Variants in KIF16B observed in about 807,000 individuals in gnomAD.
The protein encoded by KIF16B is kinesin family member 16B.
In KIF16B, 98 loss-of-function variants were observed where a neutral mutation model predicts 156.3. The observed-to-expected ratio is 0.63, with a 90% CI of 0.53 to 0.74. KIF16B has a LOEUF of 0.74. Among genes scored for constraint, KIF16B ranks in the 30% least tolerant of loss-of-function variants. The pLI, the probability that KIF16B is intolerant of heterozygous loss-of-function variation, is 0.00. For synonymous variants in KIF16B, 564 were observed against 583.7 expected, an observed-to-expected ratio of 0.97 and a Z score of 0.49; for missense variants, 1,421 against 1,606.5, an observed-to-expected ratio of 0.88 and a Z score of 1.97.
chr20:16,554,407 A>G (rs2070772865), intron 1 of KIF16B, among the ~76,000 whole-genome samples: 1 of 152,112 alleles, frequency 6.6e-6, no homozygotes, highest in Admixed American at 6.5e-5. Context: ...GAGTGGAGCT[A>G]CCCACTCCAG....
At chr20:16,359,324 T>C (rs1026209211) in intron 22 of KIF16B, among the ~76,000 whole-genome samples, 5 of 152,070 alleles carry the variant, frequency 3.3e-5, no homozygotes, top group African/African-American at 1.2e-4. Flanking sequence ...TCTGGTCATT[T>C]GAAAGCATGT....
chr20:16,498,391 G>A (rs6044033), intron 10 of KIF16B, among the ~76,000 whole-genome samples: 34,310 of 151,852 alleles, frequency 0.23, 4,439 homozygotes, highest in East Asian at 0.35. Flanking sequence ...GAAGAAAAAA[G>A]AAAGAGAATA....
intron 22 of KIF16B, among the ~76,000 whole-genome samples, chr20:16,357,865 G>C (rs532751443): frequency 9.2e-5 from 14 of 152,254 alleles, no homozygotes; most frequent in African/African-American, 3.4e-4. Context: ...TTATCATAAT[G>C]GTACACCGAT....
At chr20:16,521,939 AG>A (rs2069367624) in intron 3 of KIF16B, among the ~76,000 whole-genome samples, 1 of 152,240 alleles carries the variant, frequency 6.6e-6, no homozygotes, top group African/African-American at 2.4e-5. Context: ...TAAGCAAAGA[AG>A]AAATAAAATC....
At chr20:16,547,611 G>T (rs200624317) in intron 1 of KIF16B, among the ~76,000 whole-genome samples, 44 of 40,922 alleles carry the variant, frequency 1.1e-3, no homozygotes, top group African/African-American at 8.2e-3. Flanking sequence ...CCTGCCTCTG[G>T]TCTCACTCTG....
intron 3 of KIF16B, among the ~76,000 whole-genome samples, chr20:16,519,396 G>A (rs1221359952): frequency 6.6e-6 from 1 of 152,096 alleles, no homozygotes; most frequent in Non-Finnish European, 1.5e-5. Context: ...CTACAAGTGC[G>A]CAACACTGCA....
chr20:16,356,308 G>C, intron 23 of KIF16B, 22 bp downstream of exon 23: 1 of 1,613,924 alleles, frequency 6.2e-7, no homozygotes, highest in Non-Finnish European at 8.5e-7. Context: ...CCATTCTCCA[G>C]AAGAGTCAAG....
At chr20:16,324,209 G>A (rs1430707725) in intron 24 of KIF16B, among the ~76,000 whole-genome samples, 1 of 151,992 alleles carries the variant, frequency 6.6e-6, no homozygotes, top group Non-Finnish European at 1.5e-5. Context: ...GACTTGCTAT[G>A]TAACAGATTT....
intron 1 of KIF16B, among the ~76,000 whole-genome samples, chr20:16,559,392 T>C (rs1210746508): frequency 6.6e-6 from 1 of 152,218 alleles, no homozygotes; most frequent in Non-Finnish European, 1.5e-5. Context: ...TAAATATGGT[T>C]ATCAGCATAG....
intron 1 of KIF16B, among the ~76,000 whole-genome samples, chr20:16,544,844 G>T (rs79538883): frequency 0.028 from 4,173 of 151,322 alleles, 186 homozygotes; most frequent in African/African-American, 0.096. Context: ...CTCATATACA[G>T]CAAACACTTG....
intron 25 of KIF16B, among the ~76,000 whole-genome samples, chr20:16,284,412 T>C (rs1377244247): frequency 6.6e-6 from 1 of 152,230 alleles, no homozygotes; most frequent in Non-Finnish European, 1.5e-5. Context: ...CTTTTTTTCC[T>C]GGACGTTGCC....
intron 1 of KIF16B, among the ~76,000 whole-genome samples, chr20:16,538,866 A>C (rs2070083070): frequency 6.6e-6 from 1 of 152,018 alleles, no homozygotes; most frequent in Admixed American, 6.6e-5. Flanking sequence ...CCTTGCCCTG[A>C]ATGAGTTCTT....
intron 12 of KIF16B, among the ~76,000 whole-genome samples, chr20:16,457,107 T>C (rs564370038): frequency 8.0e-6 from 1 of 124,898 alleles, no homozygotes; most frequent in Non-Finnish European, 1.7e-5. Context: ...CTCTTCTTAC[T>C]CTTGCTTTAT....
intron 1 of KIF16B, among the ~76,000 whole-genome samples, chr20:16,557,746 A>G (rs1266421000): frequency 6.6e-6 from 1 of 152,098 alleles, no homozygotes; most frequent in Admixed American, 6.5e-5. Context: ...ACCCAGAGAG[A>G]GTATCTGTTT....
chr20:16,404,745 A>G, intron 17 of KIF16B, 68 bp downstream of exon 17: 1 of 1,204,214 alleles, frequency 8.3e-7, no homozygotes, highest in Non-Finnish European at 1.2e-6. Flanking sequence ...CCTTGTGACT[A>G]TAATGGAGTT....
At chr20:16,295,253 C>T (rs749131667) in intron 25 of KIF16B, among the ~76,000 whole-genome samples, 6 of 152,196 alleles carry the variant, frequency 3.9e-5, no homozygotes, top group African/African-American at 1.4e-4. Context: ...GAGCAGGCCA[C>T]GGTGGCTGCT....
intron 12 of KIF16B, among the ~76,000 whole-genome samples, chr20:16,477,968 G>A (rs896292618): frequency 1.2e-4 from 19 of 152,200 alleles, no homozygotes; most frequent in Admixed American, 5.9e-4. Flanking sequence ...TCCAGACCAC[G>A]GCAATGGAAT....
At position 16,371,713 on chromosome 20, in the gene KIF16B, C is replaced by G. The variant is rs2064826688; in HGVS notation, c.3399G>C (p.Leu1133Phe). ...TGCAGCCTTCACTAATCACACGATGCAAATCCTGAAGGCGTCTTTGGACTT... is the reference window on the plus strand; with the variant it reads ...TGCAGCCTTCACTAATCACACGATGGAAATCCTGAAGGCGTCTTTGGACTT... ...EEEVQRRLQD[L>F]HRVISEGCST... Residue 1133 changes from leucine (L) to phenylalanine (F), a missense_variant, in exon 21 of 26, where the codon TTG becomes TTC. Leu to Phe is a conservative substitution (Grantham distance 22). Coordinates refer to ENST00000354981, the MANE Select transcript of KIF16B (RefSeq NM_024704.5). 1.2e-6 allele frequency: 2 copies of G among 1,613,826 alleles called. No individual in the cohort carries two copies. The highest frequency in any genetic ancestry group is 1.3e-5 in the African/African-American group (1 of 74,898).
intron 11 of KIF16B, 130 bp from the exon 12 acceptor site, chr20:16,494,480 C>T (rs1404481879): frequency 3.5e-6 from 2 of 573,998 alleles, no homozygotes; most frequent in Non-Finnish European, 6.1e-6. Flanking sequence ...ACTTTTACCC[C>T]TGAAAGAACC....
Sources: gnomAD v4.1 joint callset for allele counts (sites outside exome capture counted in the v4.1 genomes callset) on GRCh38, gnomAD v4.1.1 for gene constraint, MANE v1.5 for transcripts, NCBI Gene and HGNC (gene_info 2026-07-23, HGNC 2026-07-21) for gene names.